The following GFRA2 variants were observed in gnomAD, a reference collection of about 807,000 sequenced individuals.
GFRA2 encodes the protein GDNF family receptor alpha 2.
A neutral mutation model predicts 48.3 loss-of-function variants in GFRA2; 17 were observed. The observed-to-expected ratio is 0.35, with a 90% confidence interval of 0.24 to 0.53. The LOEUF (loss-of-function observed/expected upper bound fraction) is 0.53, where lower values mean the gene tolerates loss of function less well. GFRA2 is among the 20% of genes least tolerant of loss of function. GFRA2 has a pLI of 0.93. For synonymous variants in GFRA2, 305 were observed against 257.2 expected (o/e 1.19, Z -1.78); for missense variants, 660 against 637.3 (o/e 1.04, Z -0.38).
chr8:21,751,967 G>A (rs541753014), intron 3 of GFRA2, among the ~76,000 whole-genome samples: 16 of 152,278 alleles, frequency 1.1e-4, no homozygotes, highest in African/African-American at 3.6e-4. Context: ...AGCCATCGGC[G>A]TTCAACTCCT....
intron 4 of GFRA2, among the ~76,000 whole-genome samples, chr8:21,712,485 G>A: frequency 6.6e-6 from 1 of 151,790 alleles, no homozygotes; most frequent in East Asian, 1.9e-4. Context: ...TTCCTAGATG[G>A]GATGGCGGGC....
intron 3 of GFRA2, among the ~76,000 whole-genome samples, chr8:21,751,692 T>G (rs979560600): frequency 6.6e-6 from 1 of 152,194 alleles, no homozygotes; most frequent in South Asian, 2.1e-4. Context: ...TGGGAAGGAC[T>G]TGGGGTGAGG....
chr8:21,711,322 A>G (rs1803010628), intron 4 of GFRA2, among the ~76,000 whole-genome samples: 2 of 152,182 alleles, frequency 1.3e-5, no homozygotes. Context: ...AGAGAAAGAG[A>G]GAGAGGAACA....
chr8:21,758,120 C>T lies in GFRA2; in HGVS notation c.440-7178G>A, dbSNP rs558100826. ...CTGGCACCTGGGCATCTGGATTTCA[C>T]AAGCTCCCTGTGATTCTGAGGCCAC... is the stretch of plus-strand genomic sequence containing the variant. On this transcript the variant is annotated intron_variant, in intron 3 of 8. Transcript: ENST00000524240. 1.9e-4 allele frequency among the ~76,000 whole-genome samples: 29 copies of T among 151,952 alleles called. 1 individual carries two copies. In the South Asian group the frequency reaches 4.6e-3, roughly 24 times the overall value.
chr8:21,765,699 G>T (rs183729730), intron 3 of GFRA2, among the ~76,000 whole-genome samples: 1 of 152,034 alleles, frequency 6.6e-6, no homozygotes, highest in Admixed American at 6.6e-5. Context: ...CTTCCGGGGG[G>T]AGATCTAATT....
chr8:21,787,615 G>T (rs1183218947), intron 1 of GFRA2, among the ~76,000 whole-genome samples: 1 of 152,132 alleles, frequency 6.6e-6, no homozygotes, highest in Non-Finnish European at 1.5e-5. Flanking sequence ...AGCGCTCCCC[G>T]CGCGATGTCC....
Position 21,800,369 on chromosome 8 carries a change from G to A in GFRA2, c.-36+4648C>T, listed in dbSNP as rs966550726. Among the ~76,000 whole-genome samples the A allele has an allele frequency of 1.2e-4, 18 of 152,334 alleles. No homozygotes were observed. The South Asian group carries it at 2.9e-3, about 25-fold the overall frequency. On this transcript the variant is annotated intron_variant, in intron 2 of 10. Transcript: ENST00000517328. Reference sequence around the variant, plus strand: ...CGAAAAAGGAATTTGAATGAGATCCGAGAAGGTGAATCTGCAGCATTCACA... The same window carrying A: ...CGAAAAAGGAATTTGAATGAGATCCAAGAAGGTGAATCTGCAGCATTCACA...
upstream of GFRA2, among the ~76,000 whole-genome samples, chr8:21,790,673 T>A (rs1807552657): frequency 6.6e-6 from 1 of 152,208 alleles, no homozygotes; most frequent in Admixed American, 6.5e-5. Context: ...GCTTCGAGCC[T>A]AGGCCCTAGC....
chr8:21,732,092 C>T (rs1008209214), intron 4 of GFRA2, among the ~76,000 whole-genome samples: 1 of 152,232 alleles, frequency 6.6e-6, no homozygotes, highest in African/African-American at 2.4e-5. Context: ...AACATGCCAG[C>T]GGGCCAAGAG....
chr8:21,700,945 A>G (rs2117346763), intron 7 of GFRA2, among the ~76,000 whole-genome samples: 1 of 152,232 alleles, frequency 6.6e-6, no homozygotes, highest in African/African-American at 2.4e-5. Context: ...CCACTCAATC[A>G]GAGATGGTCC....
At chr8:21,749,974 C>A (rs1805200032) in intron 4 of GFRA2, among the ~76,000 whole-genome samples, 1 of 151,896 alleles carries the variant, frequency 6.6e-6, no homozygotes, top group African/African-American at 2.4e-5. Flanking sequence ...AACATAGTAG[C>A]CTCATTATTA....
At chr8:21,792,176 G>C (rs201812944), upstream of GFRA2, among the ~76,000 whole-genome samples, 1 of 152,206 alleles carries the variant, frequency 6.6e-6, no homozygotes, top group Non-Finnish European at 1.5e-5. Context: ...GATAGCAGGA[G>C]AGGGAAGAAG....
At chr8:21,779,092 C>T (rs897650745) in intron 2 of GFRA2, among the ~76,000 whole-genome samples, 5 of 151,520 alleles carry the variant, frequency 3.3e-5, no homozygotes, top group African/African-American at 1.2e-4. Flanking sequence ...CCCAGCTACA[C>T]GGGAGGCTGA....
In GFRA2 at chr8:21,770,610, C is replaced by G. The variant is rs1468172021; in HGVS notation, c.439+4362G>C. Among the ~76,000 whole-genome samples, 87 of 152,344 alleles carry G rather than the reference C, an allele frequency of 5.7e-4. 1 individual carries two copies. Among genetic ancestry groups the G allele is most frequent in the Admixed American group, 5.7e-3 (87 of 15,304 alleles). On this transcript the variant is annotated intron_variant, in intron 3 of 8. Coordinates refer to ENST00000524240, the MANE Select transcript of GFRA2 (RefSeq NM_001495.5). Reference sequence around the variant, plus strand: ...GGATGCCCCATGCCCAAGCCTCTAGCCACACTTGCACGGCATGGCCAGACC... The same window carrying G: ...GGATGCCCCATGCCCAAGCCTCTAGGCACACTTGCACGGCATGGCCAGACC...
upstream of GFRA2, chr8:21,790,116 T>C: frequency 1.0e-6 from 1 of 984,700 alleles, no homozygotes. Flanking sequence ...CAGAAGGACC[T>C]AAAAGGAAGC....
chr8:21,721,891 G>A (rs1803616247), intron 4 of GFRA2, among the ~76,000 whole-genome samples: 1 of 152,116 alleles, frequency 6.6e-6, no homozygotes, highest in Non-Finnish European at 1.5e-5. Flanking sequence ...CAGGCTTCAG[G>A]GGGCATTGGG....
In GFRA2 at chr8:21,709,765, G is replaced by A. The variant is rs1213300199; in HGVS notation, c.795-3724C>T. 3.3e-5 allele frequency among the ~76,000 whole-genome samples: 5 copies of A among 152,244 alleles called. 1 individual carries two copies. The highest frequency in any genetic ancestry group is 2.1e-4 in the South Asian group (1 of 4,828). Reference sequence around the variant, plus strand: ...GCACAGGGAGCCTTGCTTCCCTCCCGCAAGGCCAGTTCTCCCATCCCTGAC... The same window carrying A: ...GCACAGGGAGCCTTGCTTCCCTCCCACAAGGCCAGTTCTCCCATCCCTGAC... On this transcript the variant is annotated intron_variant, in intron 4 of 8. Coordinates refer to ENST00000524240, the MANE Select transcript of GFRA2 (RefSeq NM_001495.5).
chr8:21,694,417 C>G (rs367871905), intron 8 of GFRA2, 47 bp downstream of exon 8: 8 of 1,562,344 alleles, frequency 5.1e-6, no homozygotes, highest in South Asian at 2.3e-5. Context: ...TGCCGCCCCC[C>G]ACCGGCCCAG....
rs1807411947 is a variant in GFRA2, at chr8:21,788,723, A to C, written c.-564T>G. ...TCGCACCAAGACGAAGACAAGATTC[A>C]AAAAAATCTTCTCCCGCTAACCCTT... On this transcript the variant is annotated 5_prime_UTR_variant, in exon 1 of 9. Coordinates refer to ENST00000524240, the MANE Select transcript of GFRA2 (RefSeq NM_001495.5). 1.0e-6 allele frequency: 1 copy of C among 985,352 alleles called. No individual in the cohort carries two copies. Among genetic ancestry groups the C allele is most frequent in the Admixed American group, 6.1e-5 (1 of 16,272 alleles). 61.0% of individuals were successfully genotyped at this position (985,352 alleles called of 1,614,324 possible).
Sources: allele counts gnomAD v4.1 joint callset (sites outside exome capture counted in the v4.1 genomes callset), GRCh38; gene constraint gnomAD v4.1.1; transcripts MANE v1.5; gene names NCBI Gene and HGNC (gene_info 2026-07-23, HGNC 2026-07-21).